The following VPS13D variants were observed in gnomAD, a reference collection of about 807,000 sequenced individuals.
VPS13D encodes vacuolar protein sorting 13 homolog D.
In VPS13D, 187 loss-of-function variants were observed where a neutral mutation model predicts 461.9. The ratio of observed to expected loss-of-function variants is 0.40; its 90% CI spans 0.36 to 0.46. VPS13D has a LOEUF of 0.46. VPS13D is among the 20% of genes least tolerant of loss of function. The probability of loss-of-function intolerance (pLI) is 0.60; values close to 1 mark genes in which losing one functional copy is unlikely to be tolerated. For missense variants in VPS13D, 4,711 were observed against 5,364.9 expected (o/e 0.88, Z 3.81); for synonymous variants, 1,951 against 1,986.3 (o/e 0.98, Z 0.47).
chr1:12,276,718 G>C lies in VPS13D; in HGVS notation c.3130G>C (p.Val1044Leu). Residue 1044 changes from valine to leucine, a missense_variant, in exon 19 of 70, where the codon GTC (valine) becomes CTC (leucine). Physicochemically the swap from Val to Leu is conservative, Grantham distance 32. Transcript: ENST00000620676. This position sits in a 1 kb window ranked among gnomAD's most constrained non-coding sequence, Gnocchi z 4.5. ...TCGGGATAGCAGGGCCCAGTCTCCT[G>C]TCTCTGGACCGAATGTGGCCCACTT... ...SLRDSRAQSP[V>L]SGPNVAHLTD... 1.9e-6 allele frequency: 3 copies of C among 1,614,140 alleles called. No homozygotes were observed. The highest frequency in any genetic ancestry group is 1.6e-4 in the Middle Eastern group (1 of 6,062).
intron 27 of VPS13D, among the ~76,000 whole-genome samples, chr1:12,310,407 G>A (rs896578936): frequency 3.3e-5 from 5 of 152,298 alleles, no homozygotes; most frequent in Middle Eastern, 3.4e-3. Context: ...TTAGAGCATA[G>A]TGTCTGTAGG....
chr1:12,286,861 TTTTTA>T (rs1641988585), intron 21 of VPS13D, among the ~76,000 whole-genome samples: 2 of 152,312 alleles, frequency 1.3e-5, no homozygotes, highest in Admixed American at 1.3e-4. Context: ...GTTTTCATTA[TTTTTA>T]TTTTATCTTT....
At chr1:12,377,534 A>G (rs181984893) in intron 55 of VPS13D, among the ~76,000 whole-genome samples, 1 of 152,120 alleles carries the variant, frequency 6.6e-6, no homozygotes, top group African/African-American at 2.4e-5. Flanking sequence ...AGAACTAGCA[A>G]TCTGGCCAGG....
At position 12,426,000 on chromosome 1, in the gene VPS13D, T is replaced by C. The variant is rs1454230151; in HGVS notation, c.12333+9173T>C. On this transcript the variant is annotated intron_variant, in intron 65 of 69. Transcript: ENST00000620676. ...GCAGTCTTCCATTCATTCCCAACTT[T>C]AACACCTCTGTGTTGGGCCTTGGAA... Among the ~76,000 whole-genome samples the C allele has an allele frequency of 2.0e-5, 3 of 152,260 alleles. No individual in the cohort carries two copies. The East Asian group carries it at 5.8e-4, about 29-fold the overall frequency.
rs765039279 is a variant in VPS13D at position 12,460,266 on chromosome 1, G to A, written c.12532G>A (p.Val4178Ile). The change falls in exon 67 of 70, where the codon GTC becomes ATC. Residue 4178 changes from valine to isoleucine, a missense_variant. Coordinates refer to ENST00000620676, the MANE Select transcript of VPS13D (RefSeq NM_015378.4). Reference sequence around the variant, plus strand: ...GGAAGGTGTGAAAACAGAAGGGGGTGTCAGCGGTTTCATATCTGGCCTTGG... The same window carrying A: ...GGAAGGTGTGAAAACAGAAGGGGGTATCAGCGGTTTCATATCTGGCCTTGG... ...TVEGVKTEGG[V>I]SGFISGLGKG... 2 of 1,612,208 alleles carry A rather than the reference G, an allele frequency of 1.2e-6. No individual in the cohort carries two copies. The highest frequency in any genetic ancestry group is 1.7e-6 in the Non-Finnish European group (2 of 1,179,094).
rs145086605 is a variant in VPS13D, at chr1:12,335,802, G to A, written c.8526G>A (p.Ser2842=). Residue 2842 remains serine, a synonymous_variant, in exon 39 of 70, where the codon TCG becomes TCA. Transcript: ENST00000620676. Reference sequence around the variant, plus strand: ...AATCAGAAGACTGGATGGGCTCTTCGGTGGATCCTCCATGTTTTGGACAAA... The same window carrying A: ...AATCAGAAGACTGGATGGGCTCTTCAGTGGATCCTCCATGTTTTGGACAAA... ...SAKSEDWMGS[S]VDPPCFGQSL... 1.1e-4 allele frequency: 176 copies of A among 1,614,046 alleles called. No individual in the cohort carries two copies. The African/African-American group carries it at 1.8e-3, about 16-fold the overall frequency.
chr1:12,374,014 A>G (rs1305204097), intron 55 of VPS13D, among the ~76,000 whole-genome samples, 156 bp downstream of exon 55: 4 of 152,176 alleles, frequency 2.6e-5, no homozygotes, highest in South Asian at 2.1e-4. Context: ...GTTAGGGCGG[A>G]TGAGTACCAG....
intron 9 of VPS13D, 117 bp from the exon 10 acceptor site, chr1:12,257,818 C>T: frequency 8.0e-7 from 1 of 1,246,498 alleles, no homozygotes; most frequent in Non-Finnish European, 1.1e-6. Flanking sequence ...AAACTGGTGG[C>T]TGACAAGAGA....
At chr1:12,364,636 C>T (rs1283676642) in intron 52 of VPS13D, among the ~76,000 whole-genome samples, 1 of 152,172 alleles carries the variant, frequency 6.6e-6, no homozygotes, top group East Asian at 1.9e-4. Context: ...ACAACCTCAC[C>T]AACACTTGTT....
Position 12,273,138 on chromosome 1 carries a change from A to G in VPS13D, c.2236+3A>G. ...AATGCTTTTGACGAACACCCAAGGT[A>G]TAGTGTGAGTGGGAAATAATGAAAA... On this transcript the variant is annotated splice_donor_region_variant and intron_variant, in intron 18 of 69. Coordinates refer to ENST00000620676, the MANE Select transcript of VPS13D (RefSeq NM_015378.4). The G allele has an allele frequency of 1.2e-6, 2 of 1,613,502 alleles. No homozygotes were observed. The highest frequency in any genetic ancestry group is 8.5e-7 in the Non-Finnish European group (1 of 1,179,784).
At chr1:12,383,881 A>G (rs1644316210) in intron 58 of VPS13D, among the ~76,000 whole-genome samples, 1 of 152,212 alleles carries the variant, frequency 6.6e-6, no homozygotes, top group African/African-American at 2.4e-5. Context: ...TGACTAGTGA[A>G]GGCCCACAGG....
In VPS13D at chr1:12,360,982, A is replaced by G. The variant is rs538312197; in HGVS notation, c.10142-1738A>G. The stretch of plus-strand genomic sequence containing the variant: ...CTTGTATATGTCGCATCACAATACA[A>G]GCAAGCCTGATGAGGGTGCTGCTCC... On this transcript the variant is annotated intron_variant, in intron 50 of 69. Transcript: ENST00000620676. Among the ~76,000 whole-genome samples, 12 of 152,208 alleles carry G rather than the reference A, an allele frequency of 7.9e-5. 1 individual carries two copies. Among genetic ancestry groups the G allele is most frequent in the Admixed American group, 4.6e-4 (7 of 15,278 alleles).
chr1:12,400,134 C>A, intron 60 of VPS13D, 47 bp from the exon 61 acceptor site: 1 of 1,595,388 alleles, frequency 6.3e-7, no homozygotes, highest in Non-Finnish European at 8.6e-7. Flanking sequence ...AAAACTGAGC[C>A]ACTGGTCTGT....
rs895472739 is a variant in VPS13D, at chr1:12,497,529, G to A, written c.12692G>A (p.Arg4231His). 4.3e-5 allele frequency: 69 copies of A among 1,613,974 alleles called. No homozygotes were observed. Among genetic ancestry groups the A allele is most frequent in the Non-Finnish European group, 5.7e-5 (67 of 1,179,990 alleles). The change falls in exon 68 of 70, where the codon CGT (arginine) becomes CAT (histidine). Residue 4231 changes from arginine to histidine, a missense_variant. By Grantham distance (29) the Arg-to-His change is conservative (BLOSUM62 0). Around this residue, in one of 3 missense-constraint regions of VPS13D, gnomAD observed 194 missense variants for 220.9 expected, o/e 0.88. Transcript: ENST00000620676. ...RTQAQRVRKPRCCTGPQGLLP... is the reference protein window; with the variant it reads ...RTQAQRVRKPHCCTGPQGLLP... ...CAAGCACAGAGGGTTCGGAAACCGCGTTGCTGCACGGGGCCCCAGGGGCTG... is the reference window on the plus strand; with the variant it reads ...CAAGCACAGAGGGTTCGGAAACCGCATTGCTGCACGGGGCCCCAGGGGCTG...
chr1:12,408,336 G>A (rs192273957), intron 63 of VPS13D, among the ~76,000 whole-genome samples: 4 of 151,718 alleles, frequency 2.6e-5, no homozygotes, highest in Non-Finnish European at 4.4e-5. Flanking sequence ...AGAGAGAGAG[G>A]GAGAGTTAGG....
At chr1:12,360,226 T>C (rs1306807720) in intron 50 of VPS13D, among the ~76,000 whole-genome samples, 1 of 152,232 alleles carries the variant, frequency 6.6e-6, no homozygotes, top group Non-Finnish European at 1.5e-5. Context: ...GACTTTATCA[T>C]TCTTGAGGGT....
chr1:12,492,060 T>C (rs769175437), intron 67 of VPS13D, among the ~76,000 whole-genome samples: 15 of 152,190 alleles, frequency 9.9e-5, no homozygotes, highest in Non-Finnish European at 1.6e-4. Flanking sequence ...CCACCTCTTG[T>C]TCGGTGATCC....
chr1:12,268,048 GCC>G, intron 15 of VPS13D, 128 bp downstream of exon 15: 1 of 675,086 alleles, frequency 1.5e-6, no homozygotes, highest in Non-Finnish European at 2.4e-6. Flanking sequence ...TGCAACCTCT[GCC>G]TCCCGGGTTC....
Position 12,261,953 on chromosome 1 carries a change from T to C in VPS13D, c.1467T>C (p.Tyr489=), listed in dbSNP as rs765679480. 1.7e-5 allele frequency: 27 copies of C among 1,614,214 alleles called. No homozygotes were observed. Among genetic ancestry groups the C allele is most frequent in the East Asian group, 1.3e-4 (6 of 44,892 alleles). ...CAGATGCCTCGTGTATGAACACGTA[T>C]ACAAAGCGAGATCATGTCTTTGCCA... ...PTADASCMNT[Y]TKRDHVFAKL... Residue 489 remains tyrosine (Y), a synonymous_variant, in exon 13 of 70, where the codon TAT becomes TAC. Transcript: ENST00000620676.
Sources: gnomAD v4.1 joint callset for allele counts (sites outside exome capture counted in the v4.1 genomes callset) on GRCh38, gnomAD v4.1.1 for gene constraint, gnomAD v4.1.1 regional missense constraint, Gnocchi (gnomAD v3.1) non-coding constraint, MANE v1.5 for transcripts, NCBI Gene and HGNC (gene_info 2026-07-23, HGNC 2026-07-21) for gene names.